The following GLT8D2 variants were observed in gnomAD, a reference collection of about 807,000 sequenced individuals.
The protein encoded by GLT8D2 is glycosyltransferase 8 domain containing 2.
GLT8D2 carries 45 observed loss-of-function variants against 44.5 expected under a neutral mutation model. The ratio of observed to expected loss-of-function variants is 1.01; its 90% CI spans 0.80 to 1.30. GLT8D2 has a LOEUF of 1.30. GLT8D2 is among the 50% of genes most tolerant of loss of function. The pLI, the probability that GLT8D2 is intolerant of heterozygous loss-of-function variation, is 0.00. For synonymous variants in GLT8D2, 156 were observed against 157.2 expected, an observed-to-expected ratio of 0.99 and a Z score of 0.06; for missense variants, 400 against 430.4, an observed-to-expected ratio of 0.93 and a Z score of 0.62.
At chr12:104,022,804 G>A (rs892865706) in intron 1 of GLT8D2, among the ~76,000 whole-genome samples, 2 of 151,136 alleles carry the variant, frequency 1.3e-5, no homozygotes, top group Admixed American at 6.6e-5. Context: ...ACACACACAC[G>A]ATGCATTATA....
chr12:104,061,139 C>T (rs1160706080), intron 1 of GLT8D2, among the ~76,000 whole-genome samples: 1 of 152,170 alleles, frequency 6.6e-6, no homozygotes, highest in African/African-American at 2.4e-5. Flanking sequence ...CTTATATATC[C>T]TTCAGAACTG....
chr12:104,049,160 G>A (rs17035146), intron 1 of GLT8D2, among the ~76,000 whole-genome samples: 30,496 of 150,546 alleles, frequency 0.2, 3,962 homozygotes, highest in East Asian at 0.48. Flanking sequence ...TGGCTGCACA[G>A]GGGCCAAACA....
intron 4 of GLT8D2, among the ~76,000 whole-genome samples, chr12:104,006,023 C>T (rs190828376): frequency 6.6e-6 from 1 of 152,256 alleles, no homozygotes; most frequent in East Asian, 1.9e-4. Context: ...GAAAATGTGG[C>T]ACATATACAC....
chr12:104,035,037 A>G (rs1879774953), intron 1 of GLT8D2, among the ~76,000 whole-genome samples: 1 of 152,168 alleles, frequency 6.6e-6, no homozygotes, highest in African/African-American at 2.4e-5. Context: ...TCTGGAGTGG[A>G]CCTCCAGCAA....
intron 1 of GLT8D2, chr12:104,031,571 G>A (rs1879262536): frequency 6.2e-7 from 1 of 1,610,800 alleles, no homozygotes; most frequent in Non-Finnish European, 8.5e-7. Flanking sequence ...ACTGTCCCCA[G>A]GAGCACCCTC....
intron 1 of GLT8D2, among the ~76,000 whole-genome samples, chr12:104,041,815 A>G (rs1880591286): frequency 6.6e-6 from 1 of 152,246 alleles, no homozygotes; most frequent in South Asian, 2.1e-4. Flanking sequence ...CAGTGTGCTT[A>G]GATGCCTTGG....
At chr12:104,029,452 G>A (rs1206067085) in intron 1 of GLT8D2, among the ~76,000 whole-genome samples, 1 of 152,150 alleles carries the variant, frequency 6.6e-6, no homozygotes, top group East Asian at 1.9e-4. Flanking sequence ...GATAGTAGGA[G>A]ACACATACAT....
intron 4 of GLT8D2, among the ~76,000 whole-genome samples, chr12:104,007,295 C>T (rs577512334): frequency 1.1e-3 from 155 of 136,964 alleles, no homozygotes; most frequent in African/African-American, 3.8e-3. Flanking sequence ...GCTCTCTCCC[C>T]CTCCCCCTTC....
intron 1 of GLT8D2, among the ~76,000 whole-genome samples, chr12:104,037,198 A>C (rs1566209515): frequency 6.6e-6 from 1 of 152,248 alleles, no homozygotes. Context: ...CTAAATGCCC[A>C]CAAGAGAAAA....
upstream of GLT8D2, among the ~76,000 whole-genome samples, chr12:104,053,222 C>G (rs75491886): frequency 5.9e-5 from 9 of 152,332 alleles, no homozygotes; most frequent in East Asian, 1.7e-3. Context: ...CTCTCATCCA[C>G]CTAGCAGAAT....
At chr12:104,061,731 C>T (rs1882664424) in intron 1 of GLT8D2, among the ~76,000 whole-genome samples, 2 of 152,126 alleles carry the variant, frequency 1.3e-5, no homozygotes, top group South Asian at 4.1e-4. Flanking sequence ...AACCCCAGAA[C>T]CTTAGGAGAC....
chr12:104,045,928 A>AAAGAAAGAAAG (rs1881067950), intron 1 of GLT8D2, among the ~76,000 whole-genome samples: 1 of 147,834 alleles, frequency 6.8e-6, no homozygotes, highest in African/African-American at 2.5e-5. Flanking sequence ...AGAAAGAAAG[A>AAAGAAAGAAAG]AAGAAAGAAA....
At position 104,014,530 on chromosome 12, in the gene GLT8D2, A is replaced by G. The variant is rs76788130; in HGVS notation, c.112+483T>C. 3.6e-3 allele frequency among the ~76,000 whole-genome samples: 544 copies of G among 152,248 alleles called. 5 individuals are homozygous for G. In the East Asian group the frequency reaches 0.037, roughly 10 times the overall value. ...GAGACCACAGGGCCAATGAAGGGCC[A>G]TTTTCAAGTTGAGAGTTATGAGGCT... On this transcript the variant is annotated intron_variant, in intron 4 of 10. Coordinates refer to ENST00000360814, the MANE Select transcript of GLT8D2 (RefSeq NM_001384711.1).
chr12:104,041,886 G>A (rs886441294), intron 1 of GLT8D2, among the ~76,000 whole-genome samples: 2 of 152,194 alleles, frequency 1.3e-5, no homozygotes, highest in Non-Finnish European at 2.9e-5. Flanking sequence ...AGATCATGGG[G>A]GTCAGGGAAG....
intron 9 of GLT8D2, chr12:103,993,781 T>C: frequency 6.5e-6 from 2 of 309,578 alleles, no homozygotes; most frequent in Non-Finnish European, 1.2e-5. Flanking sequence ...GGAGATCAAA[T>C]TCGAATCCTA....
At chr12:104,014,623 T>C (rs1157650591) in intron 4 of GLT8D2, among the ~76,000 whole-genome samples, 3 of 152,130 alleles carry the variant, frequency 2.0e-5, no homozygotes, top group Non-Finnish European at 2.9e-5. Context: ...AGCAAAGTCA[T>C]TGAGAAGCTC....
intron 4 of GLT8D2, among the ~76,000 whole-genome samples, chr12:104,013,219 C>A (rs1241813320): frequency 6.6e-6 from 1 of 152,232 alleles, no homozygotes; most frequent in African/African-American, 2.4e-5. Flanking sequence ...TTCCCACTCC[C>A]AGCTCTAGGC....
intron 4 of GLT8D2, among the ~76,000 whole-genome samples, chr12:104,014,077 T>C (rs1876212697): frequency 1.3e-5 from 2 of 152,138 alleles, no homozygotes; most frequent in South Asian, 2.1e-4. Context: ...ATATAAAAAG[T>C]AAATTAGCTG....
chr12:104,004,925 T>G (rs1035726255), intron 4 of GLT8D2, among the ~76,000 whole-genome samples: 14 of 152,050 alleles, frequency 9.2e-5, no homozygotes, highest in Admixed American at 6.6e-4. Context: ...CATCGCCAAG[T>G]CAATCCTAAG....
Sources: allele counts gnomAD v4.1 joint callset (sites outside exome capture counted in the v4.1 genomes callset), GRCh38; gene constraint gnomAD v4.1.1; transcripts MANE v1.5; gene names NCBI Gene and HGNC (gene_info 2026-07-23, HGNC 2026-07-21).